RSRC1: variants seen among roughly 807,000 people sequenced by gnomAD.
RSRC1 encodes the protein serine/Arginine-related protein 53.
In RSRC1, 39 loss-of-function variants were observed where a neutral mutation model predicts 49.1. The observed-to-expected ratio is 0.79, with a 90% confidence interval of 0.61 to 1.04. The LOEUF is 1.04. Ranked by LOEUF, RSRC1 falls within the 50% of genes least tolerant of loss-of-function variation. RSRC1 has a pLI of 0.00. For missense variants in RSRC1, 388 were observed against 402.4 expected (o/e 0.96, Z 0.31); for synonymous variants, 143 against 130.8 (o/e 1.09, Z -0.63).
intron 5 of RSRC1, among the ~76,000 whole-genome samples, chr3:158,351,943 T>A: frequency 6.8e-6 from 1 of 147,452 alleles, no homozygotes; most frequent in African/African-American, 2.5e-5. Context: ...ATATAATAGA[T>A]AATTATAATA....
At chr3:158,337,027 G>A (rs1729941034) in intron 5 of RSRC1, among the ~76,000 whole-genome samples, 1 of 152,196 alleles carries the variant, frequency 6.6e-6, no homozygotes, top group Admixed American at 6.5e-5. Context: ...AACTGGCATG[G>A]ATAGGACCCA....
At chr3:158,443,055 G>C (rs928095686) in intron 6 of RSRC1, among the ~76,000 whole-genome samples, 11 of 152,208 alleles carry the variant, frequency 7.2e-5, no homozygotes, top group Admixed American at 3.3e-4. Flanking sequence ...CAGCTGTGCT[G>C]TTATCCAAGC....
chr3:158,327,128 T>G (rs1729205384), intron 5 of RSRC1, among the ~76,000 whole-genome samples: 2 of 152,198 alleles, frequency 1.3e-5, no homozygotes, highest in South Asian at 4.1e-4. Context: ...TTCTTCTCTC[T>G]TCTTTATTAG....
intron 6 of RSRC1, among the ~76,000 whole-genome samples, chr3:158,410,051 T>TA (rs1233923966): frequency 2.0e-5 from 3 of 152,176 alleles, no homozygotes; most frequent in Admixed American, 6.6e-5. Flanking sequence ...CATAGTCTCA[T>TA]ACATTCAAAC....
chr3:158,196,433 AC>A (rs1303286382), intron 3 of RSRC1, among the ~76,000 whole-genome samples: 4 of 152,240 alleles, frequency 2.6e-5, no homozygotes, highest in Admixed American at 2.6e-4. Context: ...ATATACAATC[AC>A]GTCATCTGCA....
intron 4 of RSRC1, among the ~76,000 whole-genome samples, chr3:158,283,866 G>A (rs555669730): frequency 9.0e-6 from 1 of 111,198 alleles, no homozygotes; most frequent in South Asian, 3.4e-4. Context: ...CAATGGAAAC[G>A]TTATCATTTG....
intron 6 of RSRC1, among the ~76,000 whole-genome samples, chr3:158,408,743 G>A (rs2108318205): frequency 6.6e-6 from 1 of 152,112 alleles, no homozygotes; most frequent in African/African-American, 2.4e-5. Flanking sequence ...CTTATAAGTG[G>A]GAGCCAGGCC....
chr3:158,451,223 A>C (rs1484898467), intron 6 of RSRC1, among the ~76,000 whole-genome samples: 1 of 151,988 alleles, frequency 6.6e-6, no homozygotes, highest in Non-Finnish European at 1.5e-5. Context: ...CCATACTAAC[A>C]GCATGACACT....
chr3:158,222,406 G>A lies in RSRC1; in HGVS notation c.494+19161G>A, dbSNP rs183298871. On this transcript the variant is annotated intron_variant, in intron 4 of 9. Coordinates refer to ENST00000611884, the MANE Select transcript of RSRC1 (RefSeq NM_001271838.2). ...GAATTGCTGAGAGTAGATATTAGGT[G>A]TTTTTACCACAAAAATAAGTATATG... is the stretch of plus-strand genomic sequence containing the variant. Among the ~76,000 whole-genome samples the A allele has an allele frequency of 5.3e-5, 8 of 151,600 alleles. No individual in the cohort carries two copies. The East Asian group carries it at 1.6e-3, about 30-fold the overall frequency.
At chr3:158,530,930 T>A in intron 7 of RSRC1, among the ~76,000 whole-genome samples, 1 of 130,212 alleles carries the variant, frequency 7.7e-6, no homozygotes, top group Non-Finnish European at 1.6e-5. Flanking sequence ...AAAAAGAAAC[T>A]TAAAAAAAAA....
At chr3:158,241,502 C>G (rs2107993502) in intron 4 of RSRC1, among the ~76,000 whole-genome samples, 1 of 151,488 alleles carries the variant, frequency 6.6e-6, no homozygotes, top group South Asian at 2.1e-4. Context: ...AAAAAAGTGT[C>G]CATAGTGCCT....
chr3:158,474,648 G>C (rs565439533), intron 7 of RSRC1, among the ~76,000 whole-genome samples: 1 of 152,040 alleles, frequency 6.6e-6, no homozygotes, highest in South Asian at 2.1e-4. Flanking sequence ...AATCCTTTCA[G>C]CCACTTTCTC....
At position 158,301,403 on chromosome 3, in the gene RSRC1, T is replaced by C. The variant is rs146250358; in HGVS notation, c.531+3328T>C. The stretch of plus-strand genomic sequence containing the variant: ...GAGCCCACCTTCCTTATTTTATTTA[T>C]CTATTTATCAGGAGTAAGGACTCAT... On this transcript the variant is annotated intron_variant, in intron 5 of 9. Transcript: ENST00000611884. Among the ~76,000 whole-genome samples the C allele has an allele frequency of 9.3e-4, 141 of 152,276 alleles. 1 individual carries two copies. The East Asian group carries it at 0.023, about 24-fold the overall frequency.
At chr3:158,113,714 T>C (rs1429165007) in intron 1 of RSRC1, among the ~76,000 whole-genome samples, 1 of 152,208 alleles carries the variant, frequency 6.6e-6, no homozygotes, top group Non-Finnish European at 1.5e-5. Flanking sequence ...TGAGATGATA[T>C]CTCATTGTAG....
chr3:158,152,713 A>G (rs1302688417), intron 3 of RSRC1, among the ~76,000 whole-genome samples: 1 of 152,146 alleles, frequency 6.6e-6, no homozygotes, highest in Non-Finnish European at 1.5e-5. Flanking sequence ...TTCTAAATTT[A>G]TTTCTTCTTC....
intron 4 of RSRC1, among the ~76,000 whole-genome samples, chr3:158,217,699 C>T (rs1324667921): frequency 2.7e-5 from 4 of 148,896 alleles, no homozygotes; most frequent in South Asian, 4.2e-4. Context: ...GAGATTCATT[C>T]CATGGTGATG....
intron 4 of RSRC1, among the ~76,000 whole-genome samples, chr3:158,286,055 G>A (rs1275093042): frequency 1.3e-5 from 2 of 152,120 alleles, no homozygotes; most frequent in Non-Finnish European, 2.9e-5. Context: ...TTAGCTATTT[G>A]TACAGTATTT....
chr3:158,201,588 T>A (rs1330976688), intron 3 of RSRC1, among the ~76,000 whole-genome samples: 1 of 152,186 alleles, frequency 6.6e-6, no homozygotes, highest in Non-Finnish European at 1.5e-5. Context: ...TTTGATTGAT[T>A]TATTTGCATG....
chr3:158,150,600 G>A (rs1014066789), intron 3 of RSRC1, among the ~76,000 whole-genome samples: 3 of 152,132 alleles, frequency 2.0e-5, no homozygotes, highest in African/African-American at 7.2e-5. Context: ...GACAGTAGTA[G>A]GTCTTGATAT....
Sources: gnomAD v4.1 joint callset for allele counts (sites outside exome capture counted in the v4.1 genomes callset) on GRCh38, gnomAD v4.1.1 for gene constraint, MANE v1.5 for transcripts, NCBI Gene and HGNC (gene_info 2026-07-23, HGNC 2026-07-21) for gene names.